TSC2: variants seen among roughly 807,000 people sequenced by gnomAD.
TSC2 encodes tuberin.
In TSC2, 29 loss-of-function variants were observed where a neutral mutation model predicts 202.2. The ratio of observed to expected loss-of-function variants is 0.14; its 90% confidence interval spans 0.11 to 0.20. The LOEUF (loss-of-function observed/expected upper bound fraction) is 0.20. TSC2 is among the 10% of genes least tolerant of loss of function. TSC2 has a pLI of 1.00. For missense variants in TSC2, 2,429 were observed against 2,420.0 expected, an observed-to-expected ratio of 1.00 and a Z score of -0.08; for synonymous variants, 1,349 against 1,044.0, an observed-to-expected ratio of 1.29 and a Z score of -5.63.
chr16:2,083,231 G>C, intron 32 of TSC2: 1 of 460,814 alleles, frequency 2.2e-6, no homozygotes, highest in Non-Finnish European at 4.3e-6. Flanking sequence ...GTCCCCAGCT[G>C]TGGGTCTGGC....
chr16:2,060,999 CGTG>C, intron 11 of TSC2, 186 bp downstream of exon 11: 2 of 746,522 alleles, frequency 2.7e-6, no homozygotes, highest in Admixed American at 2.4e-5. Context: ...TTTTTCCAGA[CGTG>C]GTGCATCGTT....
chr16:2,084,267 G>T lies in TSC2; in HGVS notation c.4045G>T (p.Ala1349Ser). Residue 1349 changes from alanine to serine, a missense_variant, in exon 34 of 42, where the codon GCG becomes TCG. Transcript: ENST00000219476. Reference protein sequence around the residue: ...VSSQEEKSLHAEELVGRGIPI... With the variant: ...VSSQEEKSLHSEELVGRGIPI... ...CAGCCAGGAGGAGAAGTCGCTCCACGCGGAGGAGCTGGTTGGCAGGGGCAT... is the reference window on the plus strand; with the variant it reads ...CAGCCAGGAGGAGAAGTCGCTCCACTCGGAGGAGCTGGTTGGCAGGGGCAT... 6.2e-7 allele frequency: 1 copy of T among 1,608,870 alleles called. No individual in the cohort carries two copies. Among genetic ancestry groups the T allele is most frequent in the African/African-American group, 1.3e-5 (1 of 74,934 alleles).
rs1219556604 is a variant in TSC2 at position 2,084,640 on chromosome 16, A to G, written c.4418A>G (p.Lys1473Arg). ...GACTCGGCCCCATCACGCAGGGGCA[A>G]GAGAGTAGAGAGGGACGCCTTAAAG... Reference protein sequence around the residue: ...ISDSAPSRRGKRVERDALKSR... With the variant: ...ISDSAPSRRGRRVERDALKSR... Residue 1473 changes from lysine to arginine, a missense_variant, in exon 34 of 42, where the codon AAG becomes AGG. Lys to Arg is a conservative substitution (Grantham distance 26). Transcript: ENST00000219476. The G allele has an allele frequency of 3.1e-6, 5 of 1,599,912 alleles. No homozygotes were observed. The Admixed American group carries it at 8.3e-5, about 27-fold the overall frequency.
Position 2,074,355 on chromosome 16 carries a change from C to G in TSC2, c.2511C>G (p.Ala837=), listed in dbSNP as rs145351030. 5.6e-6 allele frequency: 9 copies of G among 1,612,214 alleles called. No individual in the cohort carries two copies. The highest frequency in any genetic ancestry group is 1.3e-5 in the African/African-American group (1 of 74,948). ...AGCTCACGCACATCTCAGCCACAGC[C>G]AGCATGGCCGTCCCACTGCTGGAGT... is the stretch of plus-strand genomic sequence containing the variant. ...VVKLTHISAT[A]SMAVPLLEFL... The change falls in exon 22 of 42, where the codon GCC becomes GCG. Residue 837 remains alanine (A), a synonymous_variant. Transcript: ENST00000219476.
chr16:2,068,383 C>T (rs916159202), intron 16 of TSC2, among the ~76,000 whole-genome samples: 4 of 152,134 alleles, frequency 2.6e-5, no homozygotes, highest in African/African-American at 7.2e-5. Flanking sequence ...ACACAGTTGA[C>T]TCTTGAACAG....
At chr16:2,083,275 G>C in intron 32 of TSC2, 1 of 459,848 alleles carries the variant, frequency 2.2e-6, no homozygotes, top group Non-Finnish European at 4.4e-6. Context: ...GCTCTTGGGA[G>C]CAGTCTGTTT....
In TSC2 at chr16:2,048,590, G is replaced by A. The variant is rs148518100; in HGVS notation, c.-26G>A. ...CATTCCTGTTTCGTTTGCACAGAGG[G>A]GTTTTCTGGTGCGTCCTGGTCCACC... On this transcript the variant is annotated 5_prime_UTR_variant, in exon 2 of 42. Coordinates refer to ENST00000219476, the MANE Select transcript of TSC2 (RefSeq NM_000548.5). 13 of 1,613,640 alleles carry A rather than the reference G, an allele frequency of 8.1e-6. No individual in the cohort carries two copies. Among genetic ancestry groups the A allele is most frequent in the Non-Finnish European group, 1.0e-5 (12 of 1,180,008 alleles).
intron 30 of TSC2, chr16:2,080,749 G>C: frequency 3.7e-6 from 1 of 272,102 alleles, no homozygotes; most frequent in South Asian, 4.0e-5. Flanking sequence ...CTCCCAAAGT[G>C]CTGGGATTAC....
At chr16:2,066,613 T>C (rs572182331) in intron 16 of TSC2, among the ~76,000 whole-genome samples, 1 of 151,928 alleles carries the variant, frequency 6.6e-6, no homozygotes, top group East Asian at 1.9e-4. Context: ...TGTGCCATTT[T>C]CCATCCACTC....
intron 36 of TSC2, among the ~76,000 whole-genome samples, chr16:2,085,673 C>T (rs2090684095): frequency 6.6e-6 from 1 of 152,176 alleles, no homozygotes; most frequent in Admixed American, 6.5e-5. Context: ...TCCCACACAC[C>T]AGCAGCGGGG....
At chr16:2,051,757 G>A (rs373124022) in intron 3 of TSC2, among the ~76,000 whole-genome samples, 13 of 152,152 alleles carry the variant, frequency 8.5e-5, no homozygotes, top group African/African-American at 3.1e-4. Context: ...CGCTACCAAA[G>A]ATAGGTGTAA....
intron 26 of TSC2, chr16:2,078,689 CCTGT>C: frequency 2.6e-6 from 1 of 391,034 alleles, no homozygotes; most frequent in Non-Finnish European, 4.9e-6. Context: ...GCAATCTGGG[CCTGT>C]CTGTGTGGCC....
At chr16:2,066,826 A>G (rs538960031) in intron 16 of TSC2, among the ~76,000 whole-genome samples, 6 of 151,548 alleles carry the variant, frequency 4.0e-5, no homozygotes, top group South Asian at 4.2e-4. Context: ...ATACTCGGCT[A>G]ATTTTTTGTA....
rs1225700612 is a variant in TSC2, at chr16:2,072,271, C to T, written c.2128C>T (p.Leu710=). ...ESDWKVLKLV[L]GRLPESLRYK... ...TGACTGGAAGGTGCTGAAGCTGGTT[C>T]TGGGCAGGCTGCCTGAGTCCCTGCG... Residue 710 remains leucine, a synonymous_variant, in exon 20 of 42, where the codon CTG becomes TTG. Coordinates refer to ENST00000219476, the MANE Select transcript of TSC2 (RefSeq NM_000548.5). 5.6e-6 allele frequency: 9 copies of T among 1,614,120 alleles called. No homozygotes were observed. The South Asian group carries it at 9.9e-5, about 18-fold the overall frequency.
Position 2,088,745 on chromosome 16 carries a change from T to A in TSC2, c.*135T>A. The A allele has an allele frequency of 7.9e-7, 1 of 1,271,876 alleles. No homozygotes were observed. Among genetic ancestry groups the A allele is most frequent in the East Asian group, 2.5e-5 (1 of 39,342 alleles). 78.8% of individuals were successfully genotyped at this position (1,271,876 alleles called of 1,614,324 possible). A position where few individuals can be genotyped will look rare whatever the true frequency, so the allele number is the denominator to read the frequency against. ...AGCTCTTTTATTGACTTTGTCTGCT[T>A]GGTGCGGGGGTTGGGGGGGTGTCGA... On this transcript the variant is annotated 3_prime_UTR_variant, in exon 42 of 42. Transcript: ENST00000219476.
chr16:2,063,212 A>C, intron 14 of TSC2, 159 bp downstream of exon 14: 1 of 871,630 alleles, frequency 1.1e-6, no homozygotes. Context: ...ACCCCTGTTC[A>C]TTCACTGGCT....
rs1256890176 is a variant in TSC2 at position 2,087,922 on chromosome 16, G to T, written c.5049G>T (p.Val1683=). 8.1e-6 allele frequency: 13 copies of T among 1,612,796 alleles called. No individual in the cohort carries two copies. Among genetic ancestry groups the T allele is most frequent in the Non-Finnish European group, 1.0e-5 (12 of 1,180,020 alleles). Residue 1683 remains valine (V), a synonymous_variant, in exon 39 of 42, where the codon GTG becomes GTT. Transcript: ENST00000219476. ...VTPLDYECNL[V]SLQCRKDMEG... ...CGCTGGACTACGAGTGCAACCTGGT[G>T]TCCCTGCAGTGCAGGAAAGGTAGGG...
At chr16:2,074,826 G>C (rs1010275701) in intron 22 of TSC2, 2 of 292,286 alleles carry the variant, frequency 6.8e-6, no homozygotes, top group African/African-American at 4.3e-5. Context: ...TGCTGGGCCC[G>C]CACTTGGTGT....
At chr16:2,055,970 G>T in intron 6 of TSC2, 1 of 619,296 alleles carries the variant, frequency 1.6e-6, no homozygotes, top group Admixed American at 2.4e-5. Flanking sequence ...TCTTTTTGTT[G>T]TTTGTTTAGA....
Sources: gnomAD v4.1 joint callset for allele counts (sites outside exome capture counted in the v4.1 genomes callset) on GRCh38, gnomAD v4.1.1 for gene constraint, MANE v1.5 for transcripts, NCBI Gene and HGNC (gene_info 2026-07-23, HGNC 2026-07-21) for gene names.